The following SLC15A5 variants were observed in gnomAD, a reference collection of about 807,000 sequenced individuals.
SLC15A5 encodes the protein Peptide/histidine transporter ENSP00000340402.
A neutral mutation model predicts 56.1 loss-of-function variants in SLC15A5; 58 were observed. That is an observed-to-expected ratio of 1.03 (90% confidence interval 0.84 to 1.29). The LOEUF (loss-of-function observed/expected upper bound fraction) is 1.29, where lower values mean the gene tolerates loss of function less well. Among genes scored for constraint, SLC15A5 ranks in the 50% most tolerant of loss-of-function variants. The pLI is 0.00. For missense variants in SLC15A5, 681 were observed against 672.1 expected, an observed-to-expected ratio of 1.01 and a Z score of -0.15; for synonymous variants, 264 against 250.5, an observed-to-expected ratio of 1.05 and a Z score of -0.51.
At chr12:16,219,233 T>C (rs1174040511) in intron 6 of SLC15A5, among the ~76,000 whole-genome samples, 1 of 152,150 alleles carries the variant, frequency 6.6e-6, no homozygotes, top group African/African-American at 2.4e-5. Context: ...GGTAAAATAC[T>C]GTGGAGAAGG....
chr12:16,253,271 A>T (rs958656544), intron 3 of SLC15A5, among the ~76,000 whole-genome samples: 1 of 152,184 alleles, frequency 6.6e-6, no homozygotes, highest in Non-Finnish European at 1.5e-5. Context: ...AAAAATTAAA[A>T]ATAGACAAAT....
rs1864135650 is a variant in SLC15A5, at chr12:16,216,966, A to G, written c.1410T>C (p.Phe470=). 1 of 1,536,928 alleles carries G rather than the reference A, an allele frequency of 6.5e-7. No individual in the cohort carries two copies. The highest frequency in any genetic ancestry group is 8.7e-7 in the Non-Finnish European group (1 of 1,146,652). ...PSNVRGTSMN[F]LTLFNGFGCF... ...AGCCAAATCCATTGAACAGTGTCAG[A>G]AAATTCATGGAGGTTCCTCTGACAT... The change falls in exon 7 of 9, where the codon TTT becomes TTC. Residue 470 remains phenylalanine (F), a synonymous_variant. Transcript: ENST00000344941.
chr12:16,201,461 T>C (rs1346606239), intron 7 of SLC15A5, among the ~76,000 whole-genome samples: 1 of 152,072 alleles, frequency 6.6e-6, no homozygotes, highest in Non-Finnish European at 1.5e-5. Flanking sequence ...TTGACAAAGG[T>C]GCCAAGAACA....
Position 16,217,039 on chromosome 12 carries a change from G to C in SLC15A5, c.1352-15C>G. 4 of 1,528,514 alleles carry C rather than the reference G, an allele frequency of 2.6e-6. No individual in the cohort carries two copies. Among genetic ancestry groups the C allele is most frequent in the Non-Finnish European group, 3.5e-6 (4 of 1,144,272 alleles). 94.7% of individuals were successfully genotyped at this position (1,528,514 alleles called of 1,614,324 possible). The stretch of plus-strand genomic sequence containing the variant: ...TATTACAGAGACTGAGAGAAAAAGA[G>C]AGGTCAGAATTTAGAACTTTCTCCT... On this transcript the variant is annotated splice_polypyrimidine_tract_variant and intron_variant, in intron 6 of 8. Coordinates refer to ENST00000344941, the MANE Select transcript of SLC15A5 (RefSeq NM_001170798.1).
At chr12:16,199,118 G>A (rs1592107149) in intron 7 of SLC15A5, among the ~76,000 whole-genome samples, 1 of 151,842 alleles carries the variant, frequency 6.6e-6, no homozygotes, top group East Asian at 1.9e-4. Flanking sequence ...ACATTTAGCC[G>A]ACAGGAACCA....
intron 7 of SLC15A5, among the ~76,000 whole-genome samples, chr12:16,203,996 A>G (rs1232852250): frequency 6.6e-6 from 1 of 152,208 alleles, no homozygotes; most frequent in Non-Finnish European, 1.5e-5. Flanking sequence ...GATAATTTCA[A>G]CAAGAAATGA....
intron 6 of SLC15A5, among the ~76,000 whole-genome samples, chr12:16,223,755 C>T (rs1864211570): frequency 6.6e-6 from 1 of 150,602 alleles, no homozygotes. Context: ...CTCACTCTGT[C>T]ACCAGGCTGG....
At position 16,244,815 on chromosome 12, in the gene SLC15A5, A is replaced by G; in HGVS notation, c.755-15T>C. On this transcript the variant is annotated splice_polypyrimidine_tract_variant and intron_variant, in intron 3 of 8. Coordinates refer to ENST00000344941, the MANE Select transcript of SLC15A5 (RefSeq NM_001170798.1). ...GAGAGAACAACCTGCAAGTAATCGG[A>G]GATATTATGTATTAGTATAGGAATT... The G allele has an allele frequency of 1.3e-6, 2 of 1,531,586 alleles. No individual in the cohort carries two copies. Among genetic ancestry groups the G allele is most frequent in the Non-Finnish European group, 1.8e-6 (2 of 1,141,710 alleles). The allele number at this position is 1,531,586 out of a possible 1,614,324, so 94.9% of individuals were successfully genotyped here.
At chr12:16,222,356 G>A (rs1864196086) in intron 6 of SLC15A5, among the ~76,000 whole-genome samples, 1 of 105,792 alleles carries the variant, frequency 9.5e-6, no homozygotes, top group African/African-American at 3.3e-5. Flanking sequence ...TCCCAGAAAG[G>A]TAATACTTGA....
At chr12:16,263,133 G>T (rs751009287) in intron 2 of SLC15A5, among the ~76,000 whole-genome samples, 2 of 152,310 alleles carry the variant, frequency 1.3e-5, no homozygotes, top group African/African-American at 2.4e-5. Flanking sequence ...ACAGGAAAAT[G>T]TGGGAAAGTT....
At chr12:16,232,489 G>C (rs1311387981) in intron 5 of SLC15A5, among the ~76,000 whole-genome samples, 1 of 152,062 alleles carries the variant, frequency 6.6e-6, no homozygotes, top group East Asian at 1.9e-4. Context: ...GCCCACCTGG[G>C]TCAAAAGTAC....
intron 3 of SLC15A5, among the ~76,000 whole-genome samples, chr12:16,251,661 A>G (rs1176191093): frequency 6.6e-6 from 1 of 151,972 alleles, no homozygotes; most frequent in East Asian, 1.9e-4. Flanking sequence ...ACTAGTGAAA[A>G]GACTTAAACA....
chr12:16,244,097 C>G (rs575844216), intron 4 of SLC15A5, among the ~76,000 whole-genome samples: 1 of 152,274 alleles, frequency 6.6e-6, no homozygotes, highest in Non-Finnish European at 1.5e-5. Context: ...CCCCAAGGAA[C>G]TAATAGAGTG....
intron 3 of SLC15A5, among the ~76,000 whole-genome samples, chr12:16,252,230 T>C (rs1394205673): frequency 6.6e-6 from 1 of 151,972 alleles, no homozygotes; most frequent in Non-Finnish European, 1.5e-5. Flanking sequence ...GACTGAATGC[T>C]TTTCCTCTAA....
intron 3 of SLC15A5, among the ~76,000 whole-genome samples, chr12:16,247,687 G>C (rs1217215474): frequency 6.6e-6 from 1 of 152,114 alleles, no homozygotes; most frequent in Non-Finnish European, 1.5e-5. Flanking sequence ...GACGGGTTCA[G>C]AAAGCATAAA....
At chr12:16,215,192 G>C (rs1213685586) in intron 7 of SLC15A5, among the ~76,000 whole-genome samples, 1 of 107,374 alleles carries the variant, frequency 9.3e-6, no homozygotes, top group African/African-American at 3.7e-5. Flanking sequence ...GACAGAGTGA[G>C]ACTCTTTCTC....
Position 16,211,325 on chromosome 12 carries a change from CA to C in SLC15A5, c.1483+5567del, listed in dbSNP as rs1205661110. On this transcript the variant is annotated intron_variant, in intron 7 of 8. Transcript: ENST00000344941. Reference sequence around the variant, plus strand: ...GTGCCGACATAACTGTCAGTGGCCTCAAAAATCATAGATATTTAAATGAGCC... The same window carrying C: ...GTGCCGACATAACTGTCAGTGGCCTCAAAATCATAGATATTTAAATGAGCC... 2.0e-5 allele frequency among the ~76,000 whole-genome samples: 3 copies of C among 152,120 alleles called. No homozygotes were observed. The East Asian group carries it at 5.8e-4, about 29-fold the overall frequency.
chr12:16,194,340 C>T lies in SLC15A5; in HGVS notation c.1592+5G>A, dbSNP rs570012496. The stretch of plus-strand genomic sequence containing the variant: ...AATTTTTCATCTTACCACACACTTA[C>T]TTACCTTTGTGAAACACTGCAGAAT... On this transcript the variant is annotated splice_donor_5th_base_variant and intron_variant, in intron 8 of 8. Coordinates refer to ENST00000344941, the MANE Select transcript of SLC15A5 (RefSeq NM_001170798.1). 12 of 1,520,080 alleles carry T rather than the reference C, an allele frequency of 7.9e-6. No individual in the cohort carries two copies. In the Admixed American group the frequency reaches 1.8e-4, roughly 23 times the overall value. 94.2% of individuals were successfully genotyped at this position (1,520,080 alleles called of 1,614,324 possible).
chr12:16,250,571 G>C (rs1026167138), intron 3 of SLC15A5, among the ~76,000 whole-genome samples: 2 of 151,916 alleles, frequency 1.3e-5, no homozygotes, highest in Non-Finnish European at 2.9e-5. Context: ...GAACAGAATA[G>C]AAACTCCAGA....
Sources: gnomAD v4.1 joint callset for allele counts (sites outside exome capture counted in the v4.1 genomes callset) on GRCh38, gnomAD v4.1.1 for gene constraint, MANE v1.5 for transcripts, NCBI Gene and HGNC (gene_info 2026-07-23, HGNC 2026-07-21) for gene names.